The following MYRIP variants were observed in gnomAD, a reference collection of about 807,000 sequenced individuals.
MYRIP encodes the protein rab effector MyRIP.
Under a neutral mutation model 98.0 loss-of-function variants are expected in MYRIP, and 49 were observed. The observed-to-expected ratio is 0.50, with a 90% CI of 0.40 to 0.63. MYRIP has a LOEUF of 0.63. MYRIP is among the 30% of genes least tolerant of loss of function. The probability of loss-of-function intolerance (pLI) is 0.00; values close to 1 mark genes in which losing one functional copy is unlikely to be tolerated. For synonymous variants in MYRIP, 404 were observed against 409.5 expected (o/e 0.99, Z 0.16); for missense variants, 1,004 against 1,058.2 (o/e 0.95, Z 0.71).
chr3:40,045,782 A>T (rs1023824969), intron 3 of MYRIP, among the ~76,000 whole-genome samples: 2 of 152,080 alleles, frequency 1.3e-5, no homozygotes, highest in Non-Finnish European at 2.9e-5. Context: ...GGGGCTTGGG[A>T]CAGGTCAGAG....
At chr3:39,893,063 G>T (rs1943525090) in intron 1 of MYRIP, among the ~76,000 whole-genome samples, 1 of 152,114 alleles carries the variant, frequency 6.6e-6, no homozygotes, top group African/African-American at 2.4e-5. Context: ...GGGTTGTATG[G>T]CCTTATAAAT....
chr3:39,810,816 C>A (rs1940659943), intron 1 of MYRIP: 1 of 152,278 alleles, frequency 6.6e-6, no homozygotes, highest in Admixed American at 6.5e-5. Context: ...CTTAAATGCA[C>A]ACACTGGTTT....
intron 1 of MYRIP, among the ~76,000 whole-genome samples, chr3:39,886,280 C>G (rs1394040686): frequency 6.6e-6 from 1 of 151,692 alleles, no homozygotes; most frequent in Non-Finnish European, 1.5e-5. Flanking sequence ...ACTGCATCAA[C>G]TAACGAGCAA....
At chr3:40,154,780 A>T (rs929595130) in intron 4 of MYRIP, among the ~76,000 whole-genome samples, 1 of 152,128 alleles carries the variant, frequency 6.6e-6, no homozygotes. Flanking sequence ...GCTGCCATTT[A>T]TGAGAACAGA....
At chr3:40,178,698 C>T (rs1950821736) in intron 8 of MYRIP, among the ~76,000 whole-genome samples, 1 of 152,098 alleles carries the variant, frequency 6.6e-6, no homozygotes, top group Admixed American at 6.5e-5. Flanking sequence ...GATACTGATC[C>T]CTTAACATGA....
At chr3:40,021,364 C>A (rs746452750) in intron 2 of MYRIP, among the ~76,000 whole-genome samples, 2 of 152,122 alleles carry the variant, frequency 1.3e-5, no homozygotes, top group Non-Finnish European at 2.9e-5. Context: ...TGACATTTAC[C>A]TTTACAAATA....
intron 2 of MYRIP, among the ~76,000 whole-genome samples, chr3:39,959,501 C>T (rs549665791): frequency 2.0e-5 from 3 of 152,060 alleles, no homozygotes; most frequent in South Asian, 2.1e-4. Context: ...GGGTGGGGAA[C>T]GTCACACATC....
intron 2 of MYRIP, among the ~76,000 whole-genome samples, chr3:39,967,131 G>A (rs1446162467): frequency 1.3e-5 from 2 of 152,048 alleles, no homozygotes; most frequent in African/African-American, 4.8e-5. Flanking sequence ...TTTATTTTAG[G>A]TTTGGCGTAT....
At chr3:40,064,544 T>A (rs895655919) in intron 3 of MYRIP, among the ~76,000 whole-genome samples, 2 of 152,092 alleles carry the variant, frequency 1.3e-5, no homozygotes, top group African/African-American at 4.8e-5. Flanking sequence ...CAGGGGGTAA[T>A]TAGGGGGAAA....
rs114095994 is a variant in MYRIP, at chr3:40,043,997, A to T, written c.111-53A>T. ...GCATGCTTTGGGGAGACACCCCCTGACCTGATGTTGTGTTTCTCTCCTCCT... is the reference window on the plus strand; with the variant it reads ...GCATGCTTTGGGGAGACACCCCCTGTCCTGATGTTGTGTTTCTCTCCTCCT... On this transcript the variant is annotated intron_variant, in intron 2 of 16. Coordinates refer to ENST00000302541, the MANE Select transcript of MYRIP (RefSeq NM_015460.4). 1.3e-3 allele frequency: 2,099 copies of T among 1,554,994 alleles called. 30 individuals carry two copies. The African/African-American group carries it at 0.024, about 17-fold the overall frequency.
At chr3:40,070,730 GA>G (rs1269453595) in intron 3 of MYRIP, among the ~76,000 whole-genome samples, 2 of 152,132 alleles carry the variant, frequency 1.3e-5, no homozygotes, top group Non-Finnish European at 2.9e-5. Context: ...CTGGTCCATG[GA>G]AAAGTTGCCT....
Position 39,895,343 on chromosome 3 carries a change from C to T in MYRIP, c.-30-5444C>T, listed in dbSNP as rs144038125. Among the ~76,000 whole-genome samples, 355 of 152,070 alleles carry T rather than the reference C, an allele frequency of 2.3e-3. 1 individual carries two copies. Among genetic ancestry groups the T allele is most frequent in the African/African-American group, 7.9e-3 (328 of 41,486 alleles). ...CTGGGACTACAGGTGCCTGCCACCACGCTCGGCTAATTTTTGTATTTTTAT... is the reference window on the plus strand; with the variant it reads ...CTGGGACTACAGGTGCCTGCCACCATGCTCGGCTAATTTTTGTATTTTTAT... On this transcript the variant is annotated intron_variant, in intron 1 of 16. Transcript: ENST00000302541.
At chr3:39,911,528 G>C in intron 2 of MYRIP, among the ~76,000 whole-genome samples, 1 of 152,158 alleles carries the variant, frequency 6.6e-6, no homozygotes, top group East Asian at 1.9e-4. Flanking sequence ...TTAATTCTTG[G>C]CCTGACCTTC....
At chr3:40,041,006 G>GAA (rs1947508875) in intron 2 of MYRIP, among the ~76,000 whole-genome samples, 1 of 18,474 alleles carries the variant, frequency 5.4e-5, no homozygotes, top group East Asian at 1.3e-3. Context: ...AAAAAAAAAA[G>GAA]AAAATATTAC....
intron 2 of MYRIP, among the ~76,000 whole-genome samples, chr3:40,042,568 T>G (rs575498533): frequency 6.8e-6 from 1 of 147,054 alleles, no homozygotes; most frequent in East Asian, 2.0e-4. Flanking sequence ...CACAACTGGG[T>G]ATAAAAAATA....
At chr3:39,939,235 T>C (rs1318651242) in intron 2 of MYRIP, among the ~76,000 whole-genome samples, 1 of 152,196 alleles carries the variant, frequency 6.6e-6, no homozygotes, top group African/African-American at 2.4e-5. Flanking sequence ...CCTTGTCTTC[T>C]GTGGCCAACC....
At chr3:40,184,143 C>T (rs1021817403) in intron 9 of MYRIP, among the ~76,000 whole-genome samples, 2 of 152,088 alleles carry the variant, frequency 1.3e-5, no homozygotes, top group African/African-American at 4.8e-5. Flanking sequence ...CTCCCTCTGC[C>T]CTCCCAGTCT....
At position 39,809,700 on chromosome 3, in the gene MYRIP, T is replaced by C. The variant is rs924836426; in HGVS notation, c.-247T>C. 6.6e-6 allele frequency: 1 copy of C among 151,818 alleles called. No individual in the cohort carries two copies. The highest frequency in any genetic ancestry group is 2.4e-5 in the African/African-American group (1 of 41,370). The allele number at this position is 151,818 out of a possible 1,614,324, so 9.4% of individuals were successfully genotyped here. A position where few individuals can be genotyped will look rare whatever the true frequency, so the allele number is the denominator to read the frequency against. On this transcript the variant is annotated 5_prime_UTR_variant, in exon 1 of 17. Coordinates refer to ENST00000302541, the MANE Select transcript of MYRIP (RefSeq NM_015460.4). ...CTCCCGCCTCCTGTCGGTTCCCGGG[T>C]TCCCGCTGCGGCTGCGGTTCTGGCA...
chr3:39,996,820 A>G (rs1300052040), intron 2 of MYRIP, among the ~76,000 whole-genome samples: 1 of 152,066 alleles, frequency 6.6e-6, no homozygotes, highest in Non-Finnish European at 1.5e-5. Context: ...GAACAGAAAT[A>G]ATAACAAACT....
Sources: gnomAD v4.1 joint callset for allele counts (sites outside exome capture counted in the v4.1 genomes callset) on GRCh38, gnomAD v4.1.1 for gene constraint, MANE v1.5 for transcripts, NCBI Gene and HGNC (gene_info 2026-07-23, HGNC 2026-07-21) for gene names.